The following LDB3 variants were observed in gnomAD, a reference collection of about 807,000 sequenced individuals.
LDB3 encodes LIM domain-binding protein 3.
LDB3 carries 49 observed loss-of-function variants against 69.0 expected under a neutral mutation model. The ratio of observed to expected loss-of-function variants is 0.71; its 90% CI spans 0.56 to 0.90. The LOEUF (loss-of-function observed/expected upper bound fraction) is 0.90, where lower values mean the gene tolerates loss of function less well. LDB3 is among the 40% of genes least tolerant of loss of function. The pLI is 0.00. For synonymous variants in LDB3, 387 were observed against 396.2 expected, an observed-to-expected ratio of 0.98 and a Z score of 0.28; for missense variants, 928 against 974.1, an observed-to-expected ratio of 0.95 and a Z score of 0.63.
chr10:86,687,001 A>T, intron 5 of LDB3: 1 of 1,496,130 alleles, frequency 6.7e-7, no homozygotes, highest in Non-Finnish European at 9.3e-7. Context: ...TTGGCCACCC[A>T]TGTAACCGCC....
Position 86,696,120 on chromosome 10 carries a change from A to G in LDB3, c.896+3549A>G, listed in dbSNP as rs576083060. 5.9e-3 allele frequency among the ~76,000 whole-genome samples: 902 copies of G among 152,228 alleles called. 4 individuals are homozygous for G. Among genetic ancestry groups the G allele is most frequent in the Middle Eastern group, 0.014 (4 of 294 alleles). On this transcript the variant is annotated intron_variant, in intron 7 of 13. Coordinates refer to ENST00000361373, the MANE Select transcript of LDB3 (RefSeq NM_007078.3). ...ATGCAGCCATTAAGCTTCTTCCAAT[A>G]AGATGCCAGGGCTCACTGGCTCCCC...
chr10:86,713,722 G>T (rs1241460389), intron 9 of LDB3, among the ~76,000 whole-genome samples: 1 of 152,140 alleles, frequency 6.6e-6, no homozygotes, highest in African/African-American at 2.4e-5. Context: ...CCAGCATTTT[G>T]ATATTCTCTG....
At chr10:86,719,420 G>A (rs1846996836) in intron 12 of LDB3, among the ~76,000 whole-genome samples, 3 of 151,782 alleles carry the variant, frequency 2.0e-5, no homozygotes. Flanking sequence ...TAGATCACAA[G>A]TTGGCATCTT....
In LDB3 at chr10:86,709,975, G is replaced by A. The variant is rs978782925; in HGVS notation, c.1156G>A (p.Glu386Lys). ...ACCTGCCACCCACACCAGCTACAGT[G>A]AGGGCCCCGCCGCCCCTGCACCCAA... The part of the protein sequence containing the change: ...SAPATHTSYS[E>K]GPAAPAPKPR... The change falls in exon 9 of 14, where the codon GAG (glutamate) becomes AAG (lysine). Residue 386 changes from glutamate to lysine, a missense_variant. Physicochemically the swap from Glu to Lys is moderately conservative, Grantham distance 56. Coordinates refer to ENST00000361373, the MANE Select transcript of LDB3 (RefSeq NM_007078.3). 6.2e-7 allele frequency: 1 copy of A among 1,612,990 alleles called. No homozygotes were observed. The highest frequency in any genetic ancestry group is 1.3e-5 in the African/African-American group (1 of 74,934).
At position 86,716,661 on chromosome 10, in the gene LDB3, C is replaced by T. The variant is rs767931596; in HGVS notation, c.1566C>T (p.Thr522=). 1.2e-6 allele frequency: 2 copies of T among 1,613,996 alleles called. No homozygotes were observed. Among genetic ancestry groups the T allele is most frequent in the Admixed American group, 1.7e-5 (1 of 60,022 alleles). ...QTLPRGGPAY[T]PAGPQVPPLA... ...TGCCCCGGGGAGGCCCAGCCTACAC[C>T]CCAGCGGGTCCTCAGGTGCCACCAC... Residue 522 remains threonine, a synonymous_variant, in exon 10 of 14, where the codon ACC becomes ACT. Transcript: ENST00000361373.
intron 8 of LDB3, among the ~76,000 whole-genome samples, chr10:86,706,943 C>T (rs1181546863): frequency 6.6e-6 from 1 of 152,180 alleles, no homozygotes; most frequent in Non-Finnish European, 1.5e-5. Context: ...CCCCCAGGGA[C>T]ACATACACCG....
rs2132442314 is a variant in LDB3, at chr10:86,699,525, T to A, written c.896+6954T>A. ...ATGGCCAACCGCAGCATTTCTGTCC[T>A]CTGCCCACCCCAGAGCTGATGCTGG... On this transcript the variant is annotated intron_variant, in intron 7 of 13. Coordinates refer to ENST00000361373, the MANE Select transcript of LDB3 (RefSeq NM_007078.3). This position sits in a 1 kb window ranked among gnomAD's most constrained non-coding sequence, Gnocchi z 4.9. The A allele has an allele frequency of 6.6e-7, 1 of 1,505,390 alleles. No individual in the cohort carries two copies. The highest frequency in any genetic ancestry group is 1.3e-5 in the South Asian group (1 of 78,984). The allele number at this position is 1,505,390 out of a possible 1,614,324, so 93.3% of individuals were successfully genotyped here.
intron 8 of LDB3, among the ~76,000 whole-genome samples, chr10:86,709,569 T>C (rs991576424): frequency 6.6e-6 from 1 of 152,162 alleles, no homozygotes; most frequent in Non-Finnish European, 1.5e-5. Context: ...TAGGTAGTTC[T>C]GACCAGCGCC....
intron 5 of LDB3, chr10:86,687,384 C>T (rs924685797): frequency 4.6e-6 from 5 of 1,088,026 alleles, no homozygotes; most frequent in South Asian, 1.3e-5. Context: ...CTCCTGGAGG[C>T]ATGGCCCTTG....
At chr10:86,713,374 G>A (rs967851592) in intron 9 of LDB3, among the ~76,000 whole-genome samples, 9 of 151,972 alleles carry the variant, frequency 5.9e-5, no homozygotes, top group South Asian at 4.2e-4. Flanking sequence ...AGCCTCCCGA[G>A]TAGCTGGGTT....
intron 4 of LDB3, among the ~76,000 whole-genome samples, chr10:86,680,518 AG>A (rs1344874043): frequency 6.6e-6 from 1 of 152,162 alleles, no homozygotes; most frequent in Non-Finnish European, 1.5e-5. Flanking sequence ...TCATTTGCCA[AG>A]GGGGCCACCG....
chr10:86,682,309 T>C (rs533465552), intron 5 of LDB3, among the ~76,000 whole-genome samples: 4 of 152,102 alleles, frequency 2.6e-5, no homozygotes, highest in East Asian at 1.9e-4. Flanking sequence ...AGCCCTTGAA[T>C]TGTATATGGA....
At chr10:86,722,966 T>G (rs1847132906) in intron 12 of LDB3, among the ~76,000 whole-genome samples, 1 of 151,990 alleles carries the variant, frequency 6.6e-6, no homozygotes, top group East Asian at 1.9e-4. Context: ...ATTTTTATAT[T>G]TATTTAAATA....
At chr10:86,688,948 C>T (rs549376674) in intron 5 of LDB3, among the ~76,000 whole-genome samples, 9 of 152,188 alleles carry the variant, frequency 5.9e-5, no homozygotes, top group African/African-American at 2.2e-4. Context: ...CCCCTCCCAT[C>T]CCCTCCCTAT....
At chr10:86,716,195 T>G in intron 9 of LDB3, 132 bp from the exon 10 acceptor site, 1 of 1,029,454 alleles carries the variant, frequency 9.7e-7, no homozygotes, top group Non-Finnish European at 1.5e-6. Flanking sequence ...GGAACAAGTC[T>G]CCCAAAAAAA....
At chr10:86,680,391 G>A (rs763776859) in intron 4 of LDB3, among the ~76,000 whole-genome samples, 1 of 152,244 alleles carries the variant, frequency 6.6e-6, no homozygotes, top group Non-Finnish European at 1.5e-5. Context: ...CTGGGTGCAA[G>A]CCACCTCCGC....
rs556576472 is a variant in LDB3, at chr10:86,726,482, G to A, written c.2094+230G>A. The A allele has an allele frequency of 1.2e-3, 664 of 562,980 alleles. 8 individuals are homozygous for A. Among genetic ancestry groups the A allele is most frequent in the South Asian group, 6.7e-3 (347 of 51,754 alleles). 34.9% of individuals were successfully genotyped at this position (562,980 alleles called of 1,614,324 possible). A position where few individuals can be genotyped will look rare whatever the true frequency, so the allele number is the denominator to read the frequency against. On this transcript the variant is annotated intron_variant, in intron 13 of 13. Transcript: ENST00000361373. ...CTTTGTTACTTTCCATTTCGTTAAG[G>A]ACAACAGAGTGTCCCAGGGTTTGGC... is the stretch of plus-strand genomic sequence containing the variant.
At chr10:86,677,153 T>C (rs1258866928) in intron 2 of LDB3, among the ~76,000 whole-genome samples, 1 of 152,176 alleles carries the variant, frequency 6.6e-6, no homozygotes, top group African/African-American at 2.4e-5. Context: ...TCCTCTTTCC[T>C]GTGATGTCCC....
intron 7 of LDB3, among the ~76,000 whole-genome samples, chr10:86,701,202 A>T (rs1846250105): frequency 6.6e-6 from 1 of 152,190 alleles, no homozygotes; most frequent in Non-Finnish European, 1.5e-5. Context: ...CTCCTGGAAC[A>T]CACTCATATT....
Sources: allele counts gnomAD v4.1 joint callset (sites outside exome capture counted in the v4.1 genomes callset), GRCh38; gene constraint gnomAD v4.1.1; non-coding constraint Gnocchi (gnomAD v3.1); transcripts MANE v1.5; gene names NCBI Gene and HGNC (gene_info 2026-07-23, HGNC 2026-07-21).